Variants in SUFU observed in about 807,000 individuals in gnomAD.
SUFU encodes the protein SUFU negative regulator of hedgehog signaling.
In SUFU, 7 loss-of-function variants were observed where a neutral mutation model predicts 58.9. The ratio of observed to expected loss-of-function variants is 0.12; its 90% CI spans 0.07 to 0.22. The LOEUF is 0.22. Ranked by LOEUF, SUFU falls within the 10% of genes least tolerant of loss-of-function variation. SUFU has a pLI of 1.00. For synonymous variants in SUFU, 232 were observed against 254.8 expected, an observed-to-expected ratio of 0.91 and a Z score of 0.85; for missense variants, 451 against 641.3, an observed-to-expected ratio of 0.70 and a Z score of 3.20.
intron 8 of SUFU, among the ~76,000 whole-genome samples, chr10:102,599,850 G>T (rs1341160319): frequency 1.3e-5 from 2 of 152,202 alleles, no homozygotes; most frequent in African/African-American, 4.8e-5. Context: ...CCTTGTGGGA[G>T]CCCATTGTGC....
chr10:102,584,178 G>T (rs1456217673), intron 3 of SUFU, among the ~76,000 whole-genome samples: 3 of 152,164 alleles, frequency 2.0e-5, no homozygotes, highest in African/African-American at 7.2e-5. Flanking sequence ...GTTGCCCAGG[G>T]TCACATCCAG....
Position 102,564,617 on chromosome 10 carries a change from G to A in SUFU, c.454+14511G>A, listed in dbSNP as rs148007430. 2.6e-4 allele frequency among the ~76,000 whole-genome samples: 40 copies of A among 152,332 alleles called. No homozygotes were observed. In the East Asian group the frequency reaches 7.1e-3, roughly 27 times the overall value. On this transcript the variant is annotated intron_variant, in intron 3 of 11. Coordinates refer to ENST00000369902, the MANE Select transcript of SUFU (RefSeq NM_016169.4). Reference sequence around the variant, plus strand: ...CAAAGTACTGGGGTTACAAGCATGAGCCGTCGCACCCAACCTCAAGCTCTC... The same window carrying A: ...CAAAGTACTGGGGTTACAAGCATGAACCGTCGCACCCAACCTCAAGCTCTC...
chr10:102,600,013 C>T (rs1357691598), intron 8 of SUFU, among the ~76,000 whole-genome samples: 2 of 152,154 alleles, frequency 1.3e-5, no homozygotes, highest in Non-Finnish European at 2.9e-5. Flanking sequence ...TTCTTCCTGC[C>T]TCTCTTCCCT....
intron 8 of SUFU, among the ~76,000 whole-genome samples, chr10:102,600,820 G>A (rs1050706170): frequency 1.3e-5 from 2 of 152,158 alleles, no homozygotes; most frequent in Admixed American, 6.5e-5. Flanking sequence ...TTTGGCAAAA[G>A]CCTGGAGAAG....
At chr10:102,606,536 C>G (rs1176347976) in intron 8 of SUFU, among the ~76,000 whole-genome samples, 4 of 152,146 alleles carry the variant, frequency 2.6e-5, no homozygotes, top group Admixed American at 1.3e-4. Context: ...AAGTGTCAGC[C>G]AGGATTTGAA....
rs5787464 is a variant in SUFU at position 102,538,349 on chromosome 10, CT to C, written c.318-11611del. ...CTACTGAATATACTTATGCAAGAGG[CT>C]TTTTTTTTTCCAAATGTAAGATTAT... On this transcript the variant is annotated intron_variant, in intron 2 of 11. Coordinates refer to ENST00000369902, the MANE Select transcript of SUFU (RefSeq NM_016169.4). Among the ~76,000 whole-genome samples, 8 of 149,110 alleles carry C rather than the reference CT, an allele frequency of 5.4e-5. No individual in the cohort carries two copies. The East Asian group carries it at 7.8e-4, about 15-fold the overall frequency.
At chr10:102,566,968 G>T (rs1247306983) in intron 3 of SUFU, among the ~76,000 whole-genome samples, 5 of 110,156 alleles carry the variant, frequency 4.5e-5, no homozygotes, top group South Asian at 3.0e-4. Context: ...TTATGTTGTT[G>T]TTTAAGAAGC....
intron 2 of SUFU, among the ~76,000 whole-genome samples, chr10:102,547,809 A>T (rs1250824178): frequency 1.3e-5 from 2 of 151,948 alleles, no homozygotes; most frequent in Non-Finnish European, 2.9e-5. Flanking sequence ...GCTGTCTCGG[A>T]AAGAAAGAGA....
intron 6 of SUFU, among the ~76,000 whole-genome samples, chr10:102,595,939 C>T (rs1287591491): frequency 2.6e-5 from 4 of 152,142 alleles, no homozygotes; most frequent in African/African-American, 9.7e-5. Flanking sequence ...CAACTCTTTA[C>T]CTAAGTGAGG....
At chr10:102,570,291 G>C (rs2063147027) in intron 3 of SUFU, among the ~76,000 whole-genome samples, 1 of 151,982 alleles carries the variant, frequency 6.6e-6, no homozygotes, top group South Asian at 2.1e-4. Flanking sequence ...GCCCAGGCTG[G>C]AGTGCAGTGG....
chr10:102,616,913 A>AG (rs1439609068), intron 9 of SUFU, among the ~76,000 whole-genome samples: 1 of 152,130 alleles, frequency 6.6e-6, no homozygotes, highest in Non-Finnish European at 1.5e-5. Context: ...CCGTCCCCTA[A>AG]GGGGGGATGT....
intron 4 of SUFU, among the ~76,000 whole-genome samples, 179 bp from the exon 5 acceptor site, chr10:102,593,457 C>G (rs376908791): frequency 1.3e-5 from 2 of 152,180 alleles, no homozygotes; most frequent in African/African-American, 4.8e-5. Flanking sequence ...CAGCCATTTC[C>G]CAGCCAGGCA....
At chr10:102,509,449 A>G (rs2135621520) in intron 2 of SUFU, 146 bp downstream of exon 2, 1 of 1,194,560 alleles carries the variant, frequency 8.4e-7, no homozygotes. Context: ...ACTCATGCCA[A>G]GGTGGTCCTC....
chr10:102,520,906 C>G (rs936941920), intron 2 of SUFU, among the ~76,000 whole-genome samples: 1 of 152,080 alleles, frequency 6.6e-6, no homozygotes, highest in Non-Finnish European at 1.5e-5. Context: ...TATTTTTTGG[C>G]GATTTTTAAT....
intron 3 of SUFU, among the ~76,000 whole-genome samples, chr10:102,572,222 C>A (rs567888665): frequency 3.4e-4 from 48 of 140,320 alleles, no homozygotes; most frequent in Non-Finnish European, 5.2e-4. Context: ...CCGGCCACCA[C>A]GCCTGGATAA....
intron 10 of SUFU, among the ~76,000 whole-genome samples, chr10:102,624,226 A>G (rs2063767227): frequency 6.6e-6 from 1 of 152,214 alleles, no homozygotes; most frequent in South Asian, 2.1e-4. Flanking sequence ...CCAGAACTGC[A>G]CAGGCTTTTC....
chr10:102,565,918 C>T (rs1045554000), intron 3 of SUFU, among the ~76,000 whole-genome samples: 5 of 152,170 alleles, frequency 3.3e-5, no homozygotes, highest in African/African-American at 1.2e-4. Flanking sequence ...TCTCTGGACC[C>T]CTGTGGAGTT....
chr10:102,532,199 C>T (rs2062684888), intron 2 of SUFU, among the ~76,000 whole-genome samples: 1 of 152,066 alleles, frequency 6.6e-6, no homozygotes, highest in Non-Finnish European at 1.5e-5. Flanking sequence ...AACTCCTGAC[C>T]CTCTAGTGAT....
intron 2 of SUFU, among the ~76,000 whole-genome samples, chr10:102,541,474 C>G (rs1436541196): frequency 1.3e-5 from 2 of 151,176 alleles, no homozygotes; most frequent in Non-Finnish European, 2.9e-5. Context: ...TCTCGGCTCA[C>G]TGCAACCTCT....
Sources: allele counts gnomAD v4.1 joint callset (sites outside exome capture counted in the v4.1 genomes callset), GRCh38; gene constraint gnomAD v4.1.1; transcripts MANE v1.5; gene names NCBI Gene and HGNC (gene_info 2026-07-23, HGNC 2026-07-21).